BHMT2: variants seen among roughly 807,000 people sequenced by gnomAD.
BHMT2 encodes S-methylmethionine--homocysteine S-methyltransferase BHMT2.
Under a neutral mutation model 39.0 loss-of-function variants are expected in BHMT2, and 28 were observed. The observed-to-expected ratio is 0.72, with a 90% CI of 0.53 to 0.98. The LOEUF (loss-of-function observed/expected upper bound fraction) is 0.98, where lower values mean the gene tolerates loss of function less well. Ranked by LOEUF, BHMT2 falls within the 50% of genes least tolerant of loss-of-function variation. The pLI, the probability that BHMT2 is intolerant of heterozygous loss-of-function variation, is 0.00. For synonymous variants in BHMT2, 145 were observed against 160.6 expected (o/e 0.90, Z 0.74); for missense variants, 410 against 455.6 (o/e 0.90, Z 0.91).
Position 79,077,559 on chromosome 5 carries a change from A to T in BHMT2, c.113A>T (p.Tyr38Phe), listed in dbSNP as rs1473554828. ...CTCATTACTCTGGAGAAGAGAGGCTATGTGAAGGCTGGGCTCTGGACTCCA... is the reference window on the plus strand; with the variant it reads ...CTCATTACTCTGGAGAAGAGAGGCTTTGTGAAGGCTGGGCTCTGGACTCCA... ...SFLITLEKRGYVKAGLWTPEA... is the reference protein window; with the variant it reads ...SFLITLEKRGFVKAGLWTPEA... Residue 38 changes from tyrosine (Y) to phenylalanine (F), a missense_variant, in exon 2 of 8, where the codon TAT becomes TTT. Physicochemically the swap from Tyr to Phe is conservative, Grantham distance 22. Coordinates refer to ENST00000255192, the MANE Select transcript of BHMT2 (RefSeq NM_017614.5). 1.9e-6 allele frequency: 3 copies of T among 1,613,982 alleles called. No homozygotes were observed. Among genetic ancestry groups the T allele is most frequent in the Non-Finnish European group, 8.5e-7 (1 of 1,179,962 alleles).
intron 1 of BHMT2, among the ~76,000 whole-genome samples, chr5:79,076,854 C>G (rs1755681556): frequency 6.6e-6 from 1 of 152,208 alleles, no homozygotes; most frequent in Non-Finnish European, 1.5e-5. Flanking sequence ...GGTAACAGCC[C>G]ATGGCTGCCG....
chr5:79,080,866 C>A lies in BHMT2; in HGVS notation c.438C>A (p.Phe146Leu). 1.3e-6 allele frequency: 2 copies of A among 1,594,928 alleles called. No homozygotes were observed. Among genetic ancestry groups the A allele is most frequent in the Non-Finnish European group, 8.5e-7 (1 of 1,173,430 alleles). Residue 146 changes from phenylalanine (F) to leucine (L), a missense_variant, in exon 4 of 8, where the codon TTC becomes TTA. Transcript: ENST00000255192. ...LEVFAWKNVD[F>L]LIAEYFEHVE... ...TTTTTGCCTGGAAAAATGTGGACTT[C>A]TTGATTGCAGAGGTGAGGCTAGTAT...
chr5:79,090,064 C>G lies in BHMT2; in HGVS notation c.*1490C>G, dbSNP rs547755249. On this transcript the variant is annotated 3_prime_UTR_variant, in exon 8 of 8. Coordinates refer to ENST00000255192, the MANE Select transcript of BHMT2 (RefSeq NM_017614.5). ...ATTTGTGGCAATAAAAATGATTTAC[C>G]TTTTATAGTGTTTGAATGTCGAAAA... is the stretch of plus-strand genomic sequence containing the variant. 1.3e-5 allele frequency among the ~76,000 whole-genome samples: 2 copies of G among 152,150 alleles called. No homozygotes were observed. The highest frequency in any genetic ancestry group is 2.1e-4 in the South Asian group (1 of 4,820).
At chr5:79,076,403 T>C (rs1357061729) in intron 1 of BHMT2, among the ~76,000 whole-genome samples, 2 of 151,974 alleles carry the variant, frequency 1.3e-5, no homozygotes, top group South Asian at 2.1e-4. Flanking sequence ...TCTTGGAAAA[T>C]GCAACATTTG....
chr5:79,087,703 TAAC>T (rs1205944805), intron 7 of BHMT2, among the ~76,000 whole-genome samples: 1 of 152,234 alleles, frequency 6.6e-6, no homozygotes, highest in Non-Finnish European at 1.5e-5. Context: ...TTCCTTTGTC[TAAC>T]AACAAGAAAC....
At chr5:79,079,603 T>C in intron 3 of BHMT2, 143 bp downstream of exon 3, 1 of 650,722 alleles carries the variant, frequency 1.5e-6, no homozygotes. Flanking sequence ...CGTGAAGATA[T>C]ATACTAAATA....
At chr5:79,073,831 G>C (rs923771503) in intron 1 of BHMT2, among the ~76,000 whole-genome samples, 1 of 152,154 alleles carries the variant, frequency 6.6e-6, no homozygotes, top group Non-Finnish European at 1.5e-5. Context: ...TTTACCTCTA[G>C]TTAAACCCCT....
At chr5:79,087,014 G>GTATATATATATATATATATA (rs369119738) in intron 7 of BHMT2, among the ~76,000 whole-genome samples, 82 of 118,286 alleles carry the variant, frequency 6.9e-4, no homozygotes, top group Non-Finnish European at 1.0e-3. Context: ...GTGTGTGTGT[G>GTATATATATATATATATATA]TATATATATA....
At position 79,083,219 on chromosome 5, in the gene BHMT2, G is replaced by A. The variant is rs770134001; in HGVS notation, c.626G>A (p.Arg209His). 5.9e-5 allele frequency: 95 copies of A among 1,613,934 alleles called. No individual in the cohort carries two copies. The highest frequency in any genetic ancestry group is 7.1e-5 in the Non-Finnish European group (84 of 1,180,036). Residue 209 changes from arginine to histidine, a missense_variant, in exon 6 of 8, where the codon CGC becomes CAC. Arg to His is a conservative substitution (Grantham distance 29, BLOSUM62 0). Transcript: ENST00000255192. ...GCTTCCATCGTTGGCGTGAACTGCCGCTTTGGGCCCGACACCAGCTTGAAG... is the reference window on the plus strand; with the variant it reads ...GCTTCCATCGTTGGCGTGAACTGCCACTTTGGGCCCGACACCAGCTTGAAG... ...AGASIVGVNC[R>H]FGPDTSLKTM...
intron 1 of BHMT2, among the ~76,000 whole-genome samples, chr5:79,071,923 C>G (rs1305275697): frequency 4.6e-5 from 7 of 151,302 alleles, no homozygotes; most frequent in Non-Finnish European, 1.5e-5. Context: ...AAAAGATGCT[C>G]TGATCTCAAA....
In BHMT2 at chr5:79,083,490, G is replaced by A. The variant is rs1452828021; in HGVS notation, c.781+116G>A. 4.8e-6 allele frequency: 7 copies of A among 1,472,200 alleles called. No individual in the cohort carries two copies. In the African/African-American group the frequency reaches 7.1e-5, roughly 15 times the overall value. The allele number at this position is 1,472,200 out of a possible 1,614,324, so 91.2% of individuals were successfully genotyped here. A position where few individuals can be genotyped will look rare whatever the true frequency, so the allele number is the denominator to read the frequency against. ...GACTGCATATGACAAAACATTCAGA[G>A]TTAACCAAAAATGAGCTATCAGAAG... On this transcript the variant is annotated intron_variant, in intron 6 of 7. Coordinates refer to ENST00000255192, the MANE Select transcript of BHMT2 (RefSeq NM_017614.5).
At chr5:79,078,350 C>G (rs1755719039) in intron 2 of BHMT2, among the ~76,000 whole-genome samples, 1 of 151,536 alleles carries the variant, frequency 6.6e-6, no homozygotes, top group African/African-American at 2.4e-5. Context: ...TAATTCTCTT[C>G]TAACTCTTTT....
At chr5:79,078,304 A>T (rs1755718466) in intron 2 of BHMT2, among the ~76,000 whole-genome samples, 1 of 151,540 alleles carries the variant, frequency 6.6e-6, no homozygotes, top group Non-Finnish European at 1.5e-5. Flanking sequence ...GTAAAGAACT[A>T]TGATGGGATT....
At chr5:79,087,010 G>GTATATATA (rs71615505) in intron 7 of BHMT2, among the ~76,000 whole-genome samples, 1,560 of 113,062 alleles carry the variant, frequency 0.014, 21 homozygotes, top group Non-Finnish European at 0.02. Context: ...GTGTGTGTGT[G>GTATATATA]TGTGTATATA....
At chr5:79,069,927 T>G in intron 1 of BHMT2, 112 bp downstream of exon 1, 1 of 1,133,112 alleles carries the variant, frequency 8.8e-7, no homozygotes, top group Non-Finnish European at 1.1e-6. Context: ...GGCAAAACAC[T>G]TGGACGGGAT....
chr5:79,083,672 G>T lies in BHMT2; in HGVS notation c.826G>T (p.Ala276Ser). The T allele has an allele frequency of 6.2e-7, 1 of 1,613,966 alleles. No individual in the cohort carries two copies. Among genetic ancestry groups the T allele is most frequent in the Non-Finnish European group, 8.5e-7 (1 of 1,179,980 alleles). The change falls in exon 7 of 8, where the codon GCC (alanine) becomes TCC (serine). Residue 276 changes from alanine to serine, a missense_variant. Ala to Ser is a moderately conservative substitution (Grantham distance 99). Transcript: ENST00000255192. Reference sequence around the variant, plus strand: ...CACCAGATGGGATATTCAAAAATACGCCAGAGAGGCCTACAACCTGGGGGT... The same window carrying T: ...CACCAGATGGGATATTCAAAAATACTCCAGAGAGGCCTACAACCTGGGGGT... Reference protein sequence around the residue: ...VATRWDIQKYAREAYNLGVRY... With the variant: ...VATRWDIQKYSREAYNLGVRY...
At chr5:79,075,516 C>T (rs1047574462) in intron 1 of BHMT2, among the ~76,000 whole-genome samples, 1 of 152,070 alleles carries the variant, frequency 6.6e-6, no homozygotes, top group African/African-American at 2.4e-5. Context: ...AGGCTTTTCT[C>T]CCTGATCCAT....
intron 3 of BHMT2, among the ~76,000 whole-genome samples, chr5:79,079,711 C>T (rs1336838912): frequency 6.6e-6 from 1 of 152,176 alleles, no homozygotes; most frequent in Non-Finnish European, 1.5e-5. Flanking sequence ...GCCTGGACAA[C>T]ATGGTGAAAC....
chr5:79,070,409 G>A (rs1374052537), intron 1 of BHMT2, among the ~76,000 whole-genome samples: 4 of 152,102 alleles, frequency 2.6e-5, no homozygotes, highest in Non-Finnish European at 4.4e-5. Context: ...CTCTCACCCG[G>A]TGGTCCCCAG....
Sources: allele counts gnomAD v4.1 joint callset (sites outside exome capture counted in the v4.1 genomes callset), GRCh38; gene constraint gnomAD v4.1.1; transcripts MANE v1.5; gene names NCBI Gene and HGNC (gene_info 2026-07-23, HGNC 2026-07-21).